The following SHQ1 variants were observed in gnomAD, a reference collection of about 807,000 sequenced individuals.
SHQ1 encodes SHQ1, H/ACA ribonucleoprotein assembly factor.
A neutral mutation model predicts 53.8 loss-of-function variants in SHQ1; 49 were observed. The ratio of observed to expected loss-of-function variants is 0.91; its 90% CI spans 0.72 to 1.16. The LOEUF (loss-of-function observed/expected upper bound fraction) is 1.16, where lower values mean the gene tolerates loss of function less well. Ranked by LOEUF, SHQ1 falls within the 50% of genes most tolerant of loss-of-function variation. SHQ1 has a pLI of 0.00. For synonymous variants in SHQ1, 243 were observed against 251.0 expected (o/e 0.97, Z 0.30); for missense variants, 738 against 683.1 (o/e 1.08, Z -0.90).
intron 7 of SHQ1, among the ~76,000 whole-genome samples, chr3:72,815,778 T>C (rs902030359): frequency 8.5e-5 from 13 of 152,142 alleles, no homozygotes; most frequent in African/African-American, 3.1e-4. Context: ...GAATCAAAGA[T>C]AATGTTGAAG....
At chr3:72,758,611 C>A (rs1371870059) in intron 10 of SHQ1, among the ~76,000 whole-genome samples, 1 of 88,282 alleles carries the variant, frequency 1.1e-5, no homozygotes, top group African/African-American at 4.2e-5. Context: ...ATTCTATTGC[C>A]CAAGCTGGAA....
In SHQ1 at chr3:72,750,891, T is replaced by C. The variant is rs1045249018; in HGVS notation, c.1182-55A>G. The C allele has an allele frequency of 1.0e-5, 14 of 1,406,548 alleles. No homozygotes were observed. The African/African-American group carries it at 2.0e-4, about 20-fold the overall frequency. The allele number at this position is 1,406,548 out of a possible 1,614,324, so 87.1% of individuals were successfully genotyped here. ...AATTATTTATTAATTGGCCTGGGGA[T>C]AACAGGTTATACAGCTTCCAAAAAA... On this transcript the variant is annotated intron_variant, in intron 10 of 10. Transcript: ENST00000325599.
chr3:72,808,645 T>C (rs1707028254), intron 9 of SHQ1, among the ~76,000 whole-genome samples: 1 of 152,182 alleles, frequency 6.6e-6, no homozygotes, highest in Admixed American at 6.5e-5. Context: ...GCTGTGGTTA[T>C]TATTAACAAA....
intron 10 of SHQ1, among the ~76,000 whole-genome samples, chr3:72,751,066 T>G (rs908709075): frequency 1.3e-5 from 2 of 152,166 alleles, no homozygotes; most frequent in Non-Finnish European, 2.9e-5. Flanking sequence ...CTTTTCTAAC[T>G]ATGACTCAAA....
At chr3:72,761,172 A>AT (rs1042338964) in intron 10 of SHQ1, among the ~76,000 whole-genome samples, 2 of 151,890 alleles carry the variant, frequency 1.3e-5, no homozygotes, top group South Asian at 4.2e-4. Context: ...TATTTTTAAA[A>AT]TTTTTTTTAT....
intron 10 of SHQ1, among the ~76,000 whole-genome samples, chr3:72,775,524 G>A (rs1705941423): frequency 6.9e-6 from 1 of 143,958 alleles, no homozygotes; most frequent in African/African-American, 2.6e-5. Context: ...TCAATATTAC[G>A]TGCACTGTTT....
chr3:72,793,137 T>C, intron 9 of SHQ1, 101 bp from the exon 10 acceptor site: 1 of 1,096,228 alleles, frequency 9.1e-7, no homozygotes, highest in Non-Finnish European at 1.3e-6. Flanking sequence ...GATCATTTCT[T>C]AAGAACATTT....
rs1326555498 is a variant in SHQ1, at chr3:72,842,348, A to C, written c.263T>G (p.Leu88Arg). 2 of 1,613,874 alleles carry C rather than the reference A, an allele frequency of 1.2e-6. No individual in the cohort carries two copies. The highest frequency in any genetic ancestry group is 2.7e-5 in the African/African-American group (2 of 74,934). The change falls in exon 3 of 11, where the codon CTG becomes CGG. Residue 88 changes from leucine (L) to arginine (R), a missense_variant. Leu to Arg is a moderately radical substitution (Grantham distance 102). Coordinates refer to ENST00000325599, the MANE Select transcript of SHQ1 (RefSeq NM_018130.3). ...TGCCAGAAGAGCAGTTAACATGTTC[A>C]GCCCCTCAAAATGCTGGCCAGGGGT... ...KETPGQHFEG[L>R]NMLTALLAPR...
At chr3:72,829,681 T>A (rs750395524) in intron 5 of SHQ1, among the ~76,000 whole-genome samples, 9 of 152,200 alleles carry the variant, frequency 5.9e-5, no homozygotes, top group Non-Finnish European at 1.2e-4. Flanking sequence ...TTAATATACA[T>A]CTTTTTTCAC....
chr3:72,845,293 G>A (rs924131589), intron 1 of SHQ1, among the ~76,000 whole-genome samples: 6 of 152,058 alleles, frequency 3.9e-5, no homozygotes, highest in African/African-American at 1.4e-4. Context: ...AGACCAACAT[G>A]GCCAAAATGG....
intron 9 of SHQ1, 127 bp from the exon 10 acceptor site, chr3:72,793,163 T>C: frequency 1.2e-6 from 1 of 806,286 alleles, no homozygotes; most frequent in Non-Finnish European, 1.9e-6. Context: ...TGCAAAAAAA[T>C]TTATGAGTCC....
chr3:72,753,293 T>C, intron 10 of SHQ1: 1 of 985,392 alleles, frequency 1.0e-6, no homozygotes. Flanking sequence ...ATAAATTCAT[T>C]TGTAAAAGTA....
downstream of SHQ1, among the ~76,000 whole-genome samples, chr3:72,747,458 C>CAA (rs779959541): frequency 1.5e-4 from 23 of 152,196 alleles, no homozygotes; most frequent in Non-Finnish European, 2.6e-4. Context: ...GACAGTGATC[C>CAA]TGAGAGACAG....
intron 9 of SHQ1, chr3:72,794,390 G>A (rs966960929): frequency 3.9e-5 from 6 of 152,182 alleles, no homozygotes; most frequent in Admixed American, 6.5e-5. Context: ...CACCGCAACA[G>A]CAGGTTTTCC....
the SHQ1 span, among the ~76,000 whole-genome samples, chr3:72,736,030 A>G: frequency 6.6e-6 from 1 of 152,152 alleles, no homozygotes; most frequent in African/African-American, 2.4e-5. Context: ...CAGCTTACCA[A>G]CTCAGAAAAA....
chr3:72,839,337 G>A (rs893996613), intron 4 of SHQ1, among the ~76,000 whole-genome samples: 8 of 152,152 alleles, frequency 5.3e-5, no homozygotes, highest in South Asian at 2.1e-4. Context: ...GATCACCAGC[G>A]ATTGTGATCA....
At chr3:72,761,554 T>C (rs1299996367) in intron 10 of SHQ1, among the ~76,000 whole-genome samples, 1 of 152,210 alleles carries the variant, frequency 6.6e-6, no homozygotes, top group East Asian at 1.9e-4. Flanking sequence ...CAACCACCTC[T>C]TGGATGCTAT....
chr3:72,802,310 T>C (rs754602344), intron 9 of SHQ1, among the ~76,000 whole-genome samples: 8 of 152,188 alleles, frequency 5.3e-5, no homozygotes, highest in Non-Finnish European at 1.2e-4. Context: ...TAGGCAAGAA[T>C]AGGTCTCCTC....
chr3:72,821,566 T>C (rs1405588273), intron 6 of SHQ1, among the ~76,000 whole-genome samples: 1 of 152,178 alleles, frequency 6.6e-6, no homozygotes, highest in Non-Finnish European at 1.5e-5. Context: ...TTATCTGGAA[T>C]TCAAAGCAAT....
Sources: allele counts gnomAD v4.1 joint callset (sites outside exome capture counted in the v4.1 genomes callset), GRCh38; gene constraint gnomAD v4.1.1; transcripts MANE v1.5; gene names NCBI Gene and HGNC (gene_info 2026-07-23, HGNC 2026-07-21).